APBB2: variants seen among roughly 807,000 people sequenced by gnomAD.
APBB2 encodes Fe65-like 1.
APBB2 carries 38 observed loss-of-function variants against 82.5 expected under a neutral mutation model. The observed-to-expected ratio is 0.46, with a 90% CI of 0.36 to 0.60. The LOEUF (loss-of-function observed/expected upper bound fraction) is 0.60. APBB2 is among the 20% of genes least tolerant of loss of function. The pLI, the probability that APBB2 is intolerant of heterozygous loss-of-function variation, is 0.00. For synonymous variants in APBB2, 341 were observed against 368.2 expected (o/e 0.93, Z 0.85); for missense variants, 772 against 972.3 (o/e 0.79, Z 2.74).
chr4:41,194,377 GATAAA>G, intron 1 of APBB2, among the ~76,000 whole-genome samples: 1 of 152,164 alleles, frequency 6.6e-6, no homozygotes, highest in African/African-American at 2.4e-5. Flanking sequence ...TATCAGTATA[GATAAA>G]ATAAATATAC....
At position 41,077,241 on chromosome 4, in the gene APBB2, G is replaced by A. The variant is rs1735966726; in HGVS notation, c.-148-11568C>T. ...GCCCAGACTTGTCTGGAACTCCTGG[G>A]CTCAGGCAATCCTCCCACCTTGACC... On this transcript the variant is annotated intron_variant, in intron 3 of 17. Coordinates refer to ENST00000508593, the MANE Select transcript of APBB2 (RefSeq NM_004307.2). Among the ~76,000 whole-genome samples the A allele has an allele frequency of 2.0e-5, 3 of 150,360 alleles. No homozygotes were observed. The South Asian group carries it at 6.4e-4, about 32-fold the overall frequency.
At chr4:41,119,622 C>T (rs562487440) in intron 2 of APBB2, among the ~76,000 whole-genome samples, 2 of 151,654 alleles carry the variant, frequency 1.3e-5, no homozygotes, top group South Asian at 4.2e-4. Flanking sequence ...GAACTTCAAG[C>T]GTCTGTCTGT....
intron 5 of APBB2, 31 bp downstream of exon 5, chr4:41,033,205 C>G (rs759959197): frequency 7.2e-7 from 1 of 1,387,042 alleles, no homozygotes; most frequent in Admixed American, 1.7e-5. Flanking sequence ...AACTGCTTCT[C>G]TGCATTGAAA....
At chr4:41,146,488 C>T (rs1331851607) in intron 1 of APBB2, among the ~76,000 whole-genome samples, 4 of 151,848 alleles carry the variant, frequency 2.6e-5, no homozygotes, top group East Asian at 1.9e-4. Context: ...AACAAGACCC[C>T]GTCTCAGAAA....
chr4:41,174,650 G>A (rs1285500897), intron 1 of APBB2, among the ~76,000 whole-genome samples: 2 of 152,172 alleles, frequency 1.3e-5, no homozygotes, highest in Non-Finnish European at 2.9e-5. Flanking sequence ...AAGGGCCTAA[G>A]TATCTGACTC....
At chr4:41,067,371 T>G (rs537119617) in intron 3 of APBB2, among the ~76,000 whole-genome samples, 1 of 150,296 alleles carries the variant, frequency 6.7e-6, no homozygotes, top group South Asian at 2.1e-4. Flanking sequence ...ATCGTGCCAT[T>G]GCATACTCCA....
rs563603169 is a variant in APBB2 at position 41,023,686 on chromosome 4, CACAA to C, written c.20-9292_20-9289del. On this transcript the variant is annotated intron_variant, in intron 5 of 17. Transcript: ENST00000508593. ...CACTGTTCAAAGAAATCAGAGAAGACACAAACAAATGGAAAAACATCCCATGCTC... is the reference window on the plus strand; with the variant it reads ...CACTGTTCAAAGAAATCAGAGAAGACACAAATGGAAAAACATCCCATGCTC... Among the ~76,000 whole-genome samples the C allele has an allele frequency of 4.4e-4, 67 of 152,240 alleles. 1 individual carries two copies. The South Asian group carries it at 0.014, about 32-fold the overall frequency.
intron 5 of APBB2, among the ~76,000 whole-genome samples, chr4:41,027,497 T>A (rs1427619619): frequency 1.3e-5 from 2 of 151,392 alleles, no homozygotes; most frequent in Non-Finnish European, 2.9e-5. Flanking sequence ...ATTCTCCACA[T>A]CCTTGCCAAC....
At chr4:41,150,374 G>A (rs1475099597) in intron 1 of APBB2, among the ~76,000 whole-genome samples, 3 of 152,144 alleles carry the variant, frequency 2.0e-5, no homozygotes, top group Non-Finnish European at 4.4e-5. Context: ...TCCGGTCTCA[G>A]GGAATAAATG....
intron 2 of APBB2, among the ~76,000 whole-genome samples, chr4:41,114,406 T>C (rs182990220): frequency 6.6e-6 from 1 of 152,232 alleles, no homozygotes; most frequent in East Asian, 1.9e-4. Flanking sequence ...CTTTGAAAAC[T>C]GGCACAAGAC....
chr4:41,212,980 T>A (rs1779699227), intron 1 of APBB2, among the ~76,000 whole-genome samples: 1 of 152,160 alleles, frequency 6.6e-6, no homozygotes, highest in African/African-American at 2.4e-5. Flanking sequence ...GAAATCCCCT[T>A]TCAAGGATTC....
At chr4:41,043,106 T>A (rs190083708) in intron 4 of APBB2, among the ~76,000 whole-genome samples, 2 of 152,340 alleles carry the variant, frequency 1.3e-5, no homozygotes, top group African/African-American at 4.8e-5. Context: ...CTTTAGTCTC[T>A]ACTGCTAACT....
intron 6 of APBB2, among the ~76,000 whole-genome samples, chr4:40,975,837 C>T (rs1797060590): frequency 6.6e-6 from 1 of 151,288 alleles, no homozygotes; most frequent in African/African-American, 2.4e-5. Flanking sequence ...TCTACAAAAA[C>T]AGAGAACAAA....
intron 12 of APBB2, among the ~76,000 whole-genome samples, chr4:40,871,543 C>T (rs1460492279): frequency 6.6e-6 from 1 of 152,214 alleles, no homozygotes; most frequent in Non-Finnish European, 1.5e-5. Context: ...AGTAGGAACA[C>T]TGACCCATTA....
Position 40,828,886 on chromosome 4 carries a change from C to T in APBB2, c.1644+1577G>A, listed in dbSNP as rs1409939121. Reference sequence around the variant, plus strand: ...CTGGGGACAGCTCCCTGCCCCTGTCCCTCCCTCAGGCACCATGGCTTGGAC... The same window carrying T: ...CTGGGGACAGCTCCCTGCCCCTGTCTCTCCCTCAGGCACCATGGCTTGGAC... On this transcript the variant is annotated intron_variant, in intron 13 of 17. Coordinates refer to ENST00000508593, the MANE Select transcript of APBB2 (RefSeq NM_004307.2). 3.9e-5 allele frequency among the ~76,000 whole-genome samples: 6 copies of T among 152,262 alleles called. No individual in the cohort carries two copies. In the East Asian group the frequency reaches 1.2e-3, roughly 29 times the overall value.
intron 10 of APBB2, among the ~76,000 whole-genome samples, chr4:40,901,984 C>T (rs577626420): frequency 1.3e-5 from 2 of 151,656 alleles, no homozygotes; most frequent in South Asian, 4.2e-4. Flanking sequence ...TTTCTAAAAG[C>T]TGTAAAAATA....
chr4:41,076,920 A>C (rs1735825001), intron 3 of APBB2, among the ~76,000 whole-genome samples: 1 of 152,218 alleles, frequency 6.6e-6, no homozygotes, highest in Non-Finnish European at 1.5e-5. Context: ...TAATCACAGA[A>C]ATAAAAAAAT....
chr4:40,996,949 A>G (rs1191790757), intron 6 of APBB2, among the ~76,000 whole-genome samples: 1 of 152,128 alleles, frequency 6.6e-6, no homozygotes, highest in Non-Finnish European at 1.5e-5. Context: ...CTTTTGTCTT[A>G]GCTGAGTTCC....
intron 12 of APBB2, among the ~76,000 whole-genome samples, chr4:40,865,015 T>C (rs1044766587): frequency 5.3e-5 from 8 of 152,114 alleles, no homozygotes; most frequent in African/African-American, 1.7e-4. Context: ...TGTGCCACCA[T>C]GTCTAGCTAA....
Sources: gnomAD v4.1 joint callset for allele counts (sites outside exome capture counted in the v4.1 genomes callset) on GRCh38, gnomAD v4.1.1 for gene constraint, MANE v1.5 for transcripts, NCBI Gene and HGNC (gene_info 2026-07-23, HGNC 2026-07-21) for gene names.